DRG2: variants seen among roughly 807,000 people sequenced by gnomAD.
DRG2 encodes developmentally regulated GTP binding protein 2.
In DRG2, 36 loss-of-function variants were observed where a neutral mutation model predicts 53.4. That is an observed-to-expected ratio of 0.67 (90% CI 0.52 to 0.89). DRG2 has a LOEUF of 0.89. DRG2 is among the 40% of genes least tolerant of loss of function. DRG2 has a pLI of 0.00. For missense variants in DRG2, 342 were observed against 481.2 expected, an observed-to-expected ratio of 0.71 and a Z score of 2.71; for synonymous variants, 167 against 192.1, an observed-to-expected ratio of 0.87 and a Z score of 1.08.
intron 2 of DRG2, chr17:18,097,411 C>CA (rs889553241): frequency 6.6e-6 from 1 of 152,278 alleles, no homozygotes; most frequent in Non-Finnish European, 1.5e-5. Flanking sequence ...CCCTGCAACT[C>CA]AGAGTCTCAG....
chr17:18,100,527 C>T lies in DRG2; in HGVS notation c.541-42C>T. 2 of 1,613,298 alleles carry T rather than the reference C, an allele frequency of 1.2e-6. No homozygotes were observed. The highest frequency in any genetic ancestry group is 1.7e-6 in the Non-Finnish European group (2 of 1,179,212). ...GAGGCTGTGGGACCATTGCTGTGAC[C>T]CCTCGGTCAGCAGTTCTCCCCATCC... On this transcript the variant is annotated intron_variant, in intron 6 of 12. Transcript: ENST00000225729. This position sits in a 1 kb window ranked among gnomAD's most constrained non-coding sequence, Gnocchi z 4.1.
intron 1 of DRG2, among the ~76,000 whole-genome samples, chr17:18,090,379 TATATATATATATATATATA>T (rs2045297967): frequency 9.4e-5 from 1 of 10,620 alleles, no homozygotes; most frequent in Non-Finnish European, 1.5e-4. Context: ...TATATATATA[TATATATATATATATATATA>T]TATATATATT....
rs965533630 is a variant in DRG2, at chr17:18,100,117, G to A, written c.468-246G>A. The A allele has an allele frequency of 1.2e-4, 68 of 590,558 alleles. No homozygotes were observed. The highest frequency in any genetic ancestry group is 9.5e-4 in the African/African-American group (51 of 53,696). 36.6% of individuals were successfully genotyped at this position (590,558 alleles called of 1,614,324 possible). On this transcript the variant is annotated intron_variant, in intron 5 of 12. Coordinates refer to ENST00000225729, the MANE Select transcript of DRG2 (RefSeq NM_001388.5). The surrounding 1 kb of genome is among the most constrained non-coding windows in gnomAD (Gnocchi z 4.1). ...GAGTACCCTCATGTGGTCACCTCGC[G>A]GGGGCTCCACCACTTGCCTGTGCAT...
chr17:18,106,766 G>T (rs2045644994), intron 12 of DRG2, among the ~76,000 whole-genome samples: 1 of 143,826 alleles, frequency 7.0e-6, no homozygotes, highest in Non-Finnish European at 1.5e-5. Context: ...TCATGGCCCA[G>T]TGCAGCCTCG....
intron 12 of DRG2, among the ~76,000 whole-genome samples, 191 bp from the exon 13 acceptor site, chr17:18,106,963 T>C (rs2045650828): frequency 6.6e-6 from 1 of 152,066 alleles, no homozygotes; most frequent in African/African-American, 2.4e-5. Context: ...TTACAGGCAT[T>C]AGCCACTGTG....
rs1453188060 is a variant in DRG2 at position 18,105,237 on chromosome 17, C to G, written c.954+556C>G. 3.9e-5 allele frequency among the ~76,000 whole-genome samples: 6 copies of G among 152,268 alleles called. No homozygotes were observed. In the South Asian group the frequency reaches 8.3e-4, roughly 21 times the overall value. ...CCTTTCCCTGTCCAGGATTCTGTCA[C>G]CTGAACATGACCCTGCAGGCACAGA... On this transcript the variant is annotated intron_variant, in intron 11 of 12. Coordinates refer to ENST00000225729, the MANE Select transcript of DRG2 (RefSeq NM_001388.5).
Position 18,107,957 on chromosome 17 carries a change from G to A in DRG2, c.*717G>A, listed in dbSNP as rs2045674233. ...TCCTGGCTCTCCTTTCTGAAATAAA[G>A]GATTGAAAACGGTTCCTGTTCAGAC... On this transcript the variant is annotated 3_prime_UTR_variant, in exon 13 of 13. Transcript: ENST00000225729. The A allele has an allele frequency of 6.6e-6, 1 of 152,336 alleles. No homozygotes were observed. Among genetic ancestry groups the A allele is most frequent in the Non-Finnish European group, 1.5e-5 (1 of 68,136 alleles). 9.4% of individuals were successfully genotyped at this position (152,336 alleles called of 1,614,324 possible). A position where few individuals can be genotyped will look rare whatever the true frequency, so the allele number is the denominator to read the frequency against.
intron 1 of DRG2, 111 bp from the exon 2 acceptor site, chr17:18,093,702 C>T: frequency 7.8e-7 from 1 of 1,288,164 alleles, no homozygotes. Context: ...CTCCTGATCT[C>T]CTTGACAGCA....
chr17:18,099,926 G>T lies in DRG2; in HGVS notation c.467+203G>T. The T allele has an allele frequency of 1.6e-6, 1 of 622,868 alleles. No homozygotes were observed. The highest frequency in any genetic ancestry group is 2.8e-6 in the Non-Finnish European group (1 of 355,654). The allele number at this position is 622,868 out of a possible 1,614,324, so 38.6% of individuals were successfully genotyped here. ...TGTCCAGCCAGCACAGAGGTATCTT[G>T]GGACTGGGGGCCGAGGGGCTTGGCC... On this transcript the variant is annotated intron_variant, in intron 5 of 12. Coordinates refer to ENST00000225729, the MANE Select transcript of DRG2 (RefSeq NM_001388.5). The surrounding 1 kb of genome is among the most constrained non-coding windows in gnomAD (Gnocchi z 4.4).
At position 18,099,122 on chromosome 17, in the gene DRG2, T is replaced by C. The variant is rs755154024; in HGVS notation, c.376+45T>C. On this transcript the variant is annotated intron_variant, in intron 4 of 12. Transcript: ENST00000225729. The surrounding 1 kb of genome is among the most constrained non-coding windows in gnomAD (Gnocchi z 4.4). ...TGTGGGAAGCAGACTGGAGCTCTGT[T>C]ACTGATCGTTGAAATTGGGTGTGGC... The C allele has an allele frequency of 2.5e-6, 4 of 1,612,614 alleles. No individual in the cohort carries two copies. The highest frequency in any genetic ancestry group is 1.7e-5 in the Admixed American group (1 of 60,008).
Position 18,100,122 on chromosome 17 carries a change from C to A in DRG2, c.468-241C>A. On this transcript the variant is annotated intron_variant, in intron 5 of 12. Coordinates refer to ENST00000225729, the MANE Select transcript of DRG2 (RefSeq NM_001388.5). This position sits in a 1 kb window ranked among gnomAD's most constrained non-coding sequence, Gnocchi z 4.1. ...CCCTCATGTGGTCACCTCGCGGGGG[C>A]TCCACCACTTGCCTGTGCATGCCGA... is the stretch of plus-strand genomic sequence containing the variant. The A allele has an allele frequency of 1.7e-6, 1 of 595,128 alleles. No homozygotes were observed. The highest frequency in any genetic ancestry group is 3.0e-6 in the Non-Finnish European group (1 of 334,690). The allele number at this position is 595,128 out of a possible 1,614,324, so 36.9% of individuals were successfully genotyped here. A position where few individuals can be genotyped will look rare whatever the true frequency, so the allele number is the denominator to read the frequency against.
At chr17:18,089,641 C>T (rs932409747) in intron 1 of DRG2, among the ~76,000 whole-genome samples, 3 of 151,994 alleles carry the variant, frequency 2.0e-5, no homozygotes, top group African/African-American at 7.3e-5. Context: ...TGGGGAGGGA[C>T]TGGGGATTGG....
At chr17:18,093,463 C>T (rs1340861012) in intron 1 of DRG2, among the ~76,000 whole-genome samples, 3 of 152,098 alleles carry the variant, frequency 2.0e-5, no homozygotes, top group Non-Finnish European at 2.9e-5. Context: ...GGATTACAGG[C>T]ATGAACGACC....
At position 18,101,481 on chromosome 17, in the gene DRG2, G is replaced by A. The variant is rs367924633; in HGVS notation, c.632-12G>A. 2.7e-5 allele frequency: 44 copies of A among 1,613,454 alleles called. No individual in the cohort carries two copies. Among genetic ancestry groups the A allele is most frequent in the Non-Finnish European group, 3.6e-5 (42 of 1,179,702 alleles). On this transcript the variant is annotated splice_polypyrimidine_tract_variant and intron_variant, in intron 7 of 12. Transcript: ENST00000225729. Reference sequence around the variant, plus strand: ...GCTGGTGCACAGGTTGCCCTTAATCGGAGCCCCTCAGAGATCTTCAATGCA... The same window carrying A: ...GCTGGTGCACAGGTTGCCCTTAATCAGAGCCCCTCAGAGATCTTCAATGCA...
rs1166351277 is a variant in DRG2, at chr17:18,103,053, G to T, written c.807-748G>T. Among the ~76,000 whole-genome samples, 1 of 152,188 alleles carries T rather than the reference G, an allele frequency of 6.6e-6. No homozygotes were observed. Among genetic ancestry groups the T allele is most frequent in the Non-Finnish European group, 1.5e-5 (1 of 68,030 alleles). ...CCGGCCTGAGCACAAGGACCATTTT[G>T]TGGTGGTTGTAGCCACCACAAAGAG... On this transcript the variant is annotated intron_variant, in intron 9 of 12. Transcript: ENST00000225729. This position sits in a 1 kb window ranked among gnomAD's most constrained non-coding sequence, Gnocchi z 4.4.
At chr17:18,090,128 C>CAG (rs2045287999) in intron 1 of DRG2, among the ~76,000 whole-genome samples, 1 of 149,186 alleles carries the variant, frequency 6.7e-6, no homozygotes, top group South Asian at 2.1e-4. Context: ...CAGAGATGCT[C>CAG]AGAATTTTAG....
rs1300854210 is a variant in DRG2 at position 18,103,120 on chromosome 17, G to T, written c.807-681G>T. Among the ~76,000 whole-genome samples the T allele has an allele frequency of 2.0e-5, 3 of 152,254 alleles. No individual in the cohort carries two copies. Among genetic ancestry groups the T allele is most frequent in the African/African-American group, 4.8e-5 (2 of 41,548 alleles). ...GCACAGCCTCAGGTCCTCTCCTCCT[G>T]CTGTGTCCCAGGCCTTTGAGGGGCT... On this transcript the variant is annotated intron_variant, in intron 9 of 12. Transcript: ENST00000225729. This position sits in a 1 kb window ranked among gnomAD's most constrained non-coding sequence, Gnocchi z 4.4.
chr17:18,095,214 G>A (rs976585345), intron 2 of DRG2, among the ~76,000 whole-genome samples: 23 of 151,242 alleles, frequency 1.5e-4, no homozygotes, highest in African/African-American at 2.7e-4. Flanking sequence ...GTTTCACCAC[G>A]TTCGCCAGGC....
In DRG2 at chr17:18,107,279, C is replaced by T. The variant is rs1177438102; in HGVS notation, c.*39C>T. On this transcript the variant is annotated 3_prime_UTR_variant, in exon 13 of 13. Transcript: ENST00000225729. ...GCCTCCCGCCCACCTGCCTCGTCTC[C>T]CTGGGGAGGTGGTCCCACTGGGACA... 1 of 1,596,512 alleles carries T rather than the reference C, an allele frequency of 6.3e-7. No homozygotes were observed. Among genetic ancestry groups the T allele is most frequent in the South Asian group, 1.1e-5 (1 of 90,594 alleles).
Sources: gnomAD v4.1 joint callset for allele counts (sites outside exome capture counted in the v4.1 genomes callset) on GRCh38, gnomAD v4.1.1 for gene constraint, Gnocchi (gnomAD v3.1) non-coding constraint, MANE v1.5 for transcripts, NCBI Gene and HGNC (gene_info 2026-07-23, HGNC 2026-07-21) for gene names.